Variants in TRDN observed in about 807,000 individuals in gnomAD.
TRDN encodes triadin in skeletal muscle.
TRDN carries 161 observed loss-of-function variants against 149.7 expected under a neutral mutation model. The observed-to-expected ratio is 1.08, with a 90% CI of 0.95 to 1.23. The LOEUF is 1.23. TRDN is among the 50% of genes most tolerant of loss of function. TRDN has a pLI of 0.00. For synonymous variants in TRDN, 294 were observed against 250.5 expected (o/e 1.17, Z -1.64); for missense variants, 896 against 823.5 (o/e 1.09, Z -1.08).
At chr6:123,319,057 C>T (rs1779142964) in intron 23 of TRDN, among the ~76,000 whole-genome samples, 1 of 151,792 alleles carries the variant, frequency 6.6e-6, no homozygotes. Context: ...AGTTTTGTGA[C>T]CTTGGGCATT....
intron 21 of TRDN, among the ~76,000 whole-genome samples, chr6:123,348,105 A>T (rs1780328409): frequency 6.6e-6 from 1 of 152,062 alleles, no homozygotes; most frequent in Non-Finnish European, 1.5e-5. Context: ...AAGTGAAGTA[A>T]AACCCAGACT....
intron 35 of TRDN, among the ~76,000 whole-genome samples, chr6:123,256,494 T>C (rs1776568170): frequency 6.6e-6 from 1 of 152,186 alleles, no homozygotes; most frequent in South Asian, 2.1e-4. Context: ...CCAGCATCTG[T>C]TGTTTCCTGA....
At chr6:123,365,194 A>C (rs1781043808) in intron 20 of TRDN, among the ~76,000 whole-genome samples, 1 of 152,136 alleles carries the variant, frequency 6.6e-6, no homozygotes, top group African/African-American at 2.4e-5. Flanking sequence ...TCAATAACTT[A>C]ATTGCTTCTA....
At chr6:123,557,281 G>A (rs1197871074) in intron 2 of TRDN, among the ~76,000 whole-genome samples, 1 of 151,996 alleles carries the variant, frequency 6.6e-6, no homozygotes, top group Non-Finnish European at 1.5e-5. Context: ...GCCGTGACTC[G>A]GATCGGGGGA....
At chr6:123,315,091 T>C (rs910473981) in intron 24 of TRDN, among the ~76,000 whole-genome samples, 7 of 152,028 alleles carry the variant, frequency 4.6e-5, no homozygotes, top group African/African-American at 1.7e-4. Flanking sequence ...CTTTTTCTAT[T>C]ATATATCATC....
intron 38 of TRDN, among the ~76,000 whole-genome samples, chr6:123,245,848 A>C (rs558126779): frequency 2.0e-5 from 3 of 152,150 alleles, no homozygotes; most frequent in African/African-American, 4.8e-5. Context: ...GAAGTAAAGC[A>C]CTCCTCAGCA....
chr6:123,494,006 T>C (rs943864583), intron 9 of TRDN, among the ~76,000 whole-genome samples: 2 of 152,216 alleles, frequency 1.3e-5, no homozygotes, highest in Non-Finnish European at 2.9e-5. Context: ...TTACATAGGC[T>C]TTCCTTCTCT....
intron 38 of TRDN, among the ~76,000 whole-genome samples, chr6:123,228,861 A>G (rs1277203237): frequency 4.0e-5 from 6 of 151,710 alleles, no homozygotes; most frequent in African/African-American, 9.7e-5. Flanking sequence ...CATTCCACTA[A>G]CCCCCTTAAA....
At chr6:123,461,288 T>C (rs1776434483) in intron 10 of TRDN, among the ~76,000 whole-genome samples, 1 of 152,200 alleles carries the variant, frequency 6.6e-6, no homozygotes, top group Non-Finnish European at 1.5e-5. Flanking sequence ...TAGAGTTCTC[T>C]TGTTCACATA....
At chr6:123,537,680 C>T (rs1228597160) in intron 4 of TRDN, among the ~76,000 whole-genome samples, 1 of 152,116 alleles carries the variant, frequency 6.6e-6, no homozygotes, top group African/African-American at 2.4e-5. Context: ...TCTCTGAGCT[C>T]AACTTCCATA....
intron 1 of TRDN, among the ~76,000 whole-genome samples, chr6:123,575,417 G>A (rs1782802538): frequency 1.3e-5 from 2 of 152,036 alleles, no homozygotes; most frequent in African/African-American, 2.4e-5. Context: ...TGTGATCTGA[G>A]ATTATTTAAT....
chr6:123,393,783 G>A, intron 12 of TRDN, 106 bp from the exon 13 acceptor site: 1 of 1,073,750 alleles, frequency 9.3e-7, no homozygotes, highest in South Asian at 1.6e-5. Context: ...AAAAAGTGTT[G>A]CTTTTGACAC....
intron 38 of TRDN, among the ~76,000 whole-genome samples, chr6:123,226,454 A>T (rs1253067804): frequency 6.6e-6 from 1 of 151,874 alleles, no homozygotes; most frequent in Non-Finnish European, 1.5e-5. Flanking sequence ...CTTTGGATCC[A>T]TTTATTACCA....
At chr6:123,419,135 A>T (rs1428725764) in intron 12 of TRDN, among the ~76,000 whole-genome samples, 3 of 151,948 alleles carry the variant, frequency 2.0e-5, no homozygotes, top group Non-Finnish European at 4.4e-5. Flanking sequence ...TTACAAGCAG[A>T]AGCCATGTCT....
chr6:123,509,405 A>G (rs564319352), intron 7 of TRDN: 1 of 152,084 alleles, frequency 6.6e-6, no homozygotes, highest in African/African-American at 2.4e-5. Context: ...ATTAGTCTAG[A>G]TAAGATTGTA....
chr6:123,389,096 A>T (rs1242189073), intron 13 of TRDN, among the ~76,000 whole-genome samples: 2 of 152,152 alleles, frequency 1.3e-5, no homozygotes, highest in Non-Finnish European at 2.9e-5. Flanking sequence ...AGAAAAAGGT[A>T]CAGAACACTT....
intron 12 of TRDN, among the ~76,000 whole-genome samples, chr6:123,401,357 C>T (rs191441626): frequency 1.2e-3 from 177 of 152,256 alleles, no homozygotes; most frequent in African/African-American, 3.9e-3. Flanking sequence ...TCTAAGCAAA[C>T]GCTTTCTGGT....
In TRDN at chr6:123,490,975, G is replaced by A. The variant is rs115034177; in HGVS notation, c.853+6218C>T. Among the ~76,000 whole-genome samples, 1,169 of 152,010 alleles carry A rather than the reference G, an allele frequency of 7.7e-3. 19 individuals are homozygous for A. The highest frequency in any genetic ancestry group is 0.027 in the African/African-American group (1,106 of 41,494). On this transcript the variant is annotated intron_variant, in intron 9 of 40. Transcript: ENST00000334268. Reference sequence around the variant, plus strand: ...AAAAAAATTAGATGGGCACGGTGGCGTGCACCTGTAGTCCCAGCTACTCGC... The same window carrying A: ...AAAAAAATTAGATGGGCACGGTGGCATGCACCTGTAGTCCCAGCTACTCGC...
chr6:123,369,032 G>T (rs1179926823), intron 19 of TRDN, among the ~76,000 whole-genome samples: 4 of 152,104 alleles, frequency 2.6e-5, no homozygotes, highest in African/African-American at 9.7e-5. Flanking sequence ...AGTTCTAGAG[G>T]CTGGAAGTCC....
Sources: gnomAD v4.1 joint callset for allele counts (sites outside exome capture counted in the v4.1 genomes callset) on GRCh38, gnomAD v4.1.1 for gene constraint, MANE v1.5 for transcripts, NCBI Gene and HGNC (gene_info 2026-07-23, HGNC 2026-07-21) for gene names.